The following HOOK1 variants were observed in gnomAD, a reference collection of about 807,000 sequenced individuals.
HOOK1 encodes protein Hook homolog 1.
A neutral mutation model predicts 112.8 loss-of-function variants in HOOK1; 60 were observed. The observed-to-expected ratio is 0.53, with a 90% CI of 0.43 to 0.66. The LOEUF (loss-of-function observed/expected upper bound fraction) is 0.66, where lower values mean the gene tolerates loss of function less well. Ranked by LOEUF, HOOK1 falls within the 30% of genes least tolerant of loss-of-function variation. The probability of loss-of-function intolerance (pLI) is 0.00; values close to 1 mark genes in which losing one functional copy is unlikely to be tolerated. For missense variants in HOOK1, 770 were observed against 856.0 expected (o/e 0.90, Z 1.25); for synonymous variants, 294 against 283.8 (o/e 1.04, Z -0.36).
intron 9 of HOOK1, among the ~76,000 whole-genome samples, chr1:59,844,408 A>G (rs781770812): frequency 5.9e-5 from 9 of 151,950 alleles, no homozygotes; most frequent in Non-Finnish European, 1.0e-4. Context: ...TGATATAACC[A>G]TTAAAATTGG....
At chr1:59,864,848 T>C in intron 17 of HOOK1, 182 bp downstream of exon 17, 1 of 565,078 alleles carries the variant, frequency 1.8e-6, no homozygotes, top group Non-Finnish European at 3.2e-6. Flanking sequence ...CGTTCCAAAC[T>C]CCTACATCTT....
chr1:59,858,569 C>T (rs2098411869), intron 13 of HOOK1, 54 bp downstream of exon 13: 8 of 1,154,694 alleles, frequency 6.9e-6, no homozygotes, highest in Non-Finnish European at 1.0e-5. Flanking sequence ...AGTGGGACTC[C>T]ATTCAACAAA....
chr1:59,832,771 T>G (rs2098394896), intron 4 of HOOK1, among the ~76,000 whole-genome samples: 1 of 152,086 alleles, frequency 6.6e-6, no homozygotes, highest in African/African-American at 2.4e-5. Context: ...GAATGACTTT[T>G]CCATTAAAGA....
At chr1:59,868,225 A>ACAT in intron 19 of HOOK1, 25 bp from the exon 20 acceptor site, 1 of 1,183,732 alleles carries the variant, frequency 8.4e-7, no homozygotes, top group East Asian at 2.4e-5. Context: ...TATAAAGTGA[A>ACAT]CATAGTATTT....
chr1:59,833,480 C>A lies in HOOK1; in HGVS notation c.349C>A (p.Leu117Ile), dbSNP rs780835674. ...QITECSDPVE[L>I]GRLLQLILGC... Reference sequence around the variant, plus strand: ...AACCGAATGTTCAGATCCAGTGGAGCTTGGGAGGTTGCTCCAGCTTATTTT... The same window carrying A: ...AACCGAATGTTCAGATCCAGTGGAGATTGGGAGGTTGCTCCAGCTTATTTT... Residue 117 changes from leucine (L) to isoleucine (I), a missense_variant, in exon 5 of 22, where the codon CTT becomes ATT. By Grantham distance (5) the Leu-to-Ile change is conservative (BLOSUM62 2). Around this residue, in one of 3 missense-constraint regions of HOOK1, gnomAD observed 655 missense variants for 725.9 expected, o/e 0.90. Coordinates refer to ENST00000371208, the MANE Select transcript of HOOK1 (RefSeq NM_015888.6). 6.3e-7 allele frequency: 1 copy of A among 1,594,390 alleles called. No homozygotes were observed. The highest frequency in any genetic ancestry group is 8.6e-7 in the Non-Finnish European group (1 of 1,166,616).
At chr1:59,849,472 G>T (rs548037503) in intron 12 of HOOK1, among the ~76,000 whole-genome samples, 8 of 151,648 alleles carry the variant, frequency 5.3e-5, no homozygotes, top group Admixed American at 4.0e-4. Flanking sequence ...ATAATTTTGC[G>T]ATGGCTTTAT....
At chr1:59,871,226 A>G in intron 21 of HOOK1, 116 bp downstream of exon 21, 2 of 635,202 alleles carry the variant, frequency 3.1e-6, no homozygotes, top group Non-Finnish European at 5.5e-6. Context: ...AAGACATAGC[A>G]TGTTTATGTA....
intron 19 of HOOK1, 123 bp downstream of exon 19, chr1:59,866,095 C>T (rs1246483338): frequency 3.2e-6 from 2 of 625,930 alleles, no homozygotes; most frequent in South Asian, 1.8e-5. Flanking sequence ...ACTGTATTGC[C>T]TTACCTGTCA....
intron 2 of HOOK1, among the ~76,000 whole-genome samples, chr1:59,828,033 C>T (rs1175983735): frequency 6.6e-6 from 1 of 152,118 alleles, no homozygotes; most frequent in Non-Finnish European, 1.5e-5. Flanking sequence ...AACTACTTCT[C>T]TAAGAGTCAA....
intron 19 of HOOK1, among the ~76,000 whole-genome samples, chr1:59,867,718 A>G (rs1643992819): frequency 6.6e-6 from 1 of 152,144 alleles, no homozygotes; most frequent in Non-Finnish European, 1.5e-5. Flanking sequence ...GCGATTCAGC[A>G]CCCTACCTTT....
intron 9 of HOOK1, among the ~76,000 whole-genome samples, chr1:59,845,972 C>A (rs2098403563): frequency 6.6e-6 from 1 of 151,830 alleles, no homozygotes; most frequent in South Asian, 2.1e-4. Flanking sequence ...TTATCAGTAA[C>A]ACAATTTGGA....
intron 9 of HOOK1, among the ~76,000 whole-genome samples, chr1:59,844,300 G>C (rs1485543841): frequency 6.6e-6 from 1 of 151,838 alleles, no homozygotes; most frequent in Non-Finnish European, 1.5e-5. Context: ...GAGAAAGTTG[G>C]ACACATGTCT....
intron 4 of HOOK1, among the ~76,000 whole-genome samples, chr1:59,832,658 C>T (rs1038920417): frequency 6.6e-6 from 1 of 152,018 alleles, no homozygotes; most frequent in Admixed American, 6.5e-5. Flanking sequence ...TTAGATAGTA[C>T]ATTAGTCAAA....
chr1:59,865,996 T>C, intron 19 of HOOK1, 24 bp downstream of exon 19: 4 of 1,323,510 alleles, frequency 3.0e-6, no homozygotes, highest in Non-Finnish European at 4.3e-6. Flanking sequence ...CTTTCGGAGC[T>C]CAAGACTTTG....
intron 2 of HOOK1, among the ~76,000 whole-genome samples, chr1:59,826,673 G>A (rs940623496): frequency 6.6e-6 from 1 of 152,332 alleles, no homozygotes; most frequent in East Asian, 1.9e-4. Context: ...TGGGGTGGTA[G>A]TCAGGGTTGT....
intron 12 of HOOK1, among the ~76,000 whole-genome samples, chr1:59,851,945 T>TTATTATATTAATATGATG (rs2098407371): frequency 6.6e-6 from 1 of 151,708 alleles, no homozygotes; most frequent in African/African-American, 2.4e-5. Context: ...TATTTGTACT[T>TTATTATATTAATATGATG]TATTATATTA....
chr1:59,847,855 A>G (rs1279950762), intron 10 of HOOK1, among the ~76,000 whole-genome samples: 1 of 151,562 alleles, frequency 6.6e-6, no homozygotes, highest in Non-Finnish European at 1.5e-5. Flanking sequence ...GGTAAGCACA[A>G]CTCCAAAGGG....
chr1:59,824,612 G>A (rs1462651360), intron 2 of HOOK1, among the ~76,000 whole-genome samples: 2 of 152,168 alleles, frequency 1.3e-5, no homozygotes, highest in Admixed American at 1.3e-4. Flanking sequence ...TGCTTTTTAA[G>A]GAAGCAGCAA....
chr1:59,858,387 G>C (rs770668572), intron 12 of HOOK1, 41 bp from the exon 13 acceptor site: 6 of 1,161,664 alleles, frequency 5.2e-6, no homozygotes, highest in Non-Finnish European at 7.8e-6. Context: ...TTGTTTATAG[G>C]CAGAATTAAA....
Sources: allele counts gnomAD v4.1 joint callset (sites outside exome capture counted in the v4.1 genomes callset), GRCh38; gene constraint gnomAD v4.1.1; regional missense constraint gnomAD v4.1.1; transcripts MANE v1.5; gene names NCBI Gene and HGNC (gene_info 2026-07-23, HGNC 2026-07-21).